CNTNAP2: variants seen among roughly 807,000 people sequenced by gnomAD.
CNTNAP2 encodes the protein contactin associated protein 2.
A neutral mutation model predicts 155.2 loss-of-function variants in CNTNAP2; 98 were observed. The observed-to-expected ratio is 0.63, with a 90% CI of 0.54 to 0.75. CNTNAP2 has a LOEUF of 0.75. Ranked by LOEUF, CNTNAP2 falls within the 30% of genes least tolerant of loss-of-function variation. The pLI is 0.00. For missense variants in CNTNAP2, 1,727 were observed against 1,688.1 expected (o/e 1.02, Z -0.40); for synonymous variants, 651 against 631.2 (o/e 1.03, Z -0.47).
chr7:147,793,239 A>G (rs1404113312), intron 13 of CNTNAP2, among the ~76,000 whole-genome samples: 1 of 152,094 alleles, frequency 6.6e-6, no homozygotes, highest in East Asian at 1.9e-4. Context: ...CTTAAGTATC[A>G]TATCTAAGAA....
intron 12 of CNTNAP2, among the ~76,000 whole-genome samples, chr7:147,576,646 C>G (rs1010987063): frequency 6.6e-6 from 1 of 152,044 alleles, no homozygotes; most frequent in African/African-American, 2.4e-5. Context: ...CATTTTGATG[C>G]AAGAGTGAAG....
intron 15 of CNTNAP2, among the ~76,000 whole-genome samples, chr7:148,068,153 C>T (rs1459732152): frequency 6.6e-6 from 1 of 152,198 alleles, no homozygotes; most frequent in Non-Finnish European, 1.5e-5. Context: ...TCTACACTTT[C>T]TGTTCACCCC....
At chr7:147,294,452 T>C (rs904030712) in intron 8 of CNTNAP2, among the ~76,000 whole-genome samples, 3 of 152,188 alleles carry the variant, frequency 2.0e-5, no homozygotes, top group Non-Finnish European at 4.4e-5. Context: ...GTTTAAGATA[T>C]AGGATAAGTT....
intron 21 of CNTNAP2, among the ~76,000 whole-genome samples, chr7:148,342,141 C>T (rs1234544367): frequency 6.6e-6 from 1 of 152,240 alleles, no homozygotes; most frequent in African/African-American, 2.4e-5. Flanking sequence ...GGCCCTTCTA[C>T]TCTCTGCTGC....
intron 1 of CNTNAP2, among the ~76,000 whole-genome samples, chr7:146,634,162 G>C (rs184255407): frequency 3.3e-5 from 5 of 152,250 alleles, no homozygotes; most frequent in Admixed American, 1.3e-4. Flanking sequence ...TACAAAGACT[G>C]TCAATGAAAT....
At chr7:147,852,683 C>G (rs1036721783) in intron 13 of CNTNAP2, among the ~76,000 whole-genome samples, 2 of 152,210 alleles carry the variant, frequency 1.3e-5, no homozygotes, top group Non-Finnish European at 2.9e-5. Context: ...TCTCACATCT[C>G]TGTCATCTCA....
intron 15 of CNTNAP2, among the ~76,000 whole-genome samples, chr7:148,031,859 A>C (rs1802482563): frequency 6.6e-6 from 1 of 152,182 alleles, no homozygotes; most frequent in Admixed American, 6.5e-5. Context: ...CAGAGAGGAC[A>C]TTAATTGTTT....
At chr7:147,476,023 A>G (rs1295717372) in intron 10 of CNTNAP2, among the ~76,000 whole-genome samples, 1 of 152,154 alleles carries the variant, frequency 6.6e-6, no homozygotes, top group African/African-American at 2.4e-5. Flanking sequence ...TATTTTATCT[A>G]CTATCGATAA....
At chr7:146,458,435 C>G (rs1409507377) in intron 1 of CNTNAP2, among the ~76,000 whole-genome samples, 1 of 152,080 alleles carries the variant, frequency 6.6e-6, no homozygotes, top group African/African-American at 2.4e-5. Context: ...TGTACAATAA[C>G]AAAATCAAAG....
At chr7:147,506,867 T>C (rs750875708) in intron 11 of CNTNAP2, among the ~76,000 whole-genome samples, 55 of 152,292 alleles carry the variant, frequency 3.6e-4, no homozygotes, top group Admixed American at 2.8e-3. Flanking sequence ...CCTGTGATAT[T>C]TTAAAAGGTC....
intron 15 of CNTNAP2, among the ~76,000 whole-genome samples, chr7:147,984,218 G>A (rs558362100): frequency 6.6e-6 from 1 of 152,182 alleles, no homozygotes; most frequent in East Asian, 1.9e-4. Context: ...GGTTTTAGCC[G>A]GCTTCTTTAC....
At chr7:147,283,415 T>A (rs1404231150) in intron 8 of CNTNAP2, among the ~76,000 whole-genome samples, 1 of 151,852 alleles carries the variant, frequency 6.6e-6, no homozygotes, top group South Asian at 2.1e-4. Context: ...GTTTCAATAA[T>A]TCATTTTAAC....
At chr7:146,708,588 ATTTTT>A (rs71165029) in intron 1 of CNTNAP2, among the ~76,000 whole-genome samples, 38 of 63,970 alleles carry the variant, frequency 5.9e-4, no homozygotes, top group Middle Eastern at 0.031. Context: ...AAAAAAAGTG[ATTTTT>A]TTTTTTTTTT....
chr7:146,445,202 T>C (rs1163997412), intron 1 of CNTNAP2, among the ~76,000 whole-genome samples: 1 of 152,234 alleles, frequency 6.6e-6, no homozygotes. Flanking sequence ...GAGATTGTTG[T>C]AATAAATACT....
At chr7:147,173,766 G>T (rs1042597765) in intron 8 of CNTNAP2, among the ~76,000 whole-genome samples, 1 of 152,126 alleles carries the variant, frequency 6.6e-6, no homozygotes, top group African/African-American at 2.4e-5. Flanking sequence ...AGTGAAGTGG[G>T]ATGGGGACAT....
intron 11 of CNTNAP2, among the ~76,000 whole-genome samples, chr7:147,486,339 C>A (rs897002924): frequency 7.2e-5 from 11 of 152,138 alleles, no homozygotes; most frequent in African/African-American, 2.7e-4. Context: ...TGTGTCTAAC[C>A]CACATCTGTT....
At chr7:147,086,992 G>A (rs1428756088) in intron 4 of CNTNAP2, among the ~76,000 whole-genome samples, 1 of 152,070 alleles carries the variant, frequency 6.6e-6, no homozygotes, top group Non-Finnish European at 1.5e-5. Context: ...AGAGAATGTT[G>A]TGGTTTGTAG....
intron 13 of CNTNAP2, among the ~76,000 whole-genome samples, chr7:147,701,481 G>A (rs888309811): frequency 1.2e-4 from 18 of 152,186 alleles, no homozygotes; most frequent in Middle Eastern, 3.4e-3. Context: ...TTAGAAATTC[G>A]CTGGGTGACT....
intron 13 of CNTNAP2, among the ~76,000 whole-genome samples, chr7:147,798,997 C>T (rs1483892585): frequency 6.6e-6 from 1 of 152,174 alleles, no homozygotes; most frequent in African/African-American, 2.4e-5. Context: ...TGCTGAAGCT[C>T]ACCTTCTCTC....
Sources: gnomAD v4.1 joint callset for allele counts (sites outside exome capture counted in the v4.1 genomes callset) on GRCh38, gnomAD v4.1.1 for gene constraint, MANE v1.5 for transcripts, NCBI Gene and HGNC (gene_info 2026-07-23, HGNC 2026-07-21) for gene names.